The following HCRTR2 variants were observed in gnomAD, a reference collection of about 807,000 sequenced individuals.
HCRTR2 encodes hypocretin receptor 2.
HCRTR2 carries 22 observed loss-of-function variants against 49.0 expected under a neutral mutation model. That is an observed-to-expected ratio of 0.45 (90% CI 0.32 to 0.64). The LOEUF (loss-of-function observed/expected upper bound fraction) is 0.64, where lower values mean the gene tolerates loss of function less well. Ranked by LOEUF, HCRTR2 falls within the 30% of genes least tolerant of loss-of-function variation. The probability of loss-of-function intolerance (pLI) is 0.04; values close to 1 mark genes in which losing one functional copy is unlikely to be tolerated. For missense variants in HCRTR2, 491 were observed against 559.4 expected (o/e 0.88, Z 1.23); for synonymous variants, 236 against 205.3 (o/e 1.15, Z -1.28).
chr6:55,178,307 T>G (rs572136667), intron 1 of HCRTR2, among the ~76,000 whole-genome samples: 1 of 152,248 alleles, frequency 6.6e-6, no homozygotes, highest in Admixed American at 6.5e-5. Flanking sequence ...CTGTCATATC[T>G]GTTGTTGTCT....
intron 1 of HCRTR2, among the ~76,000 whole-genome samples, chr6:55,135,436 T>C (rs1764420304): frequency 6.6e-6 from 1 of 152,080 alleles, no homozygotes. Flanking sequence ...ACCTCTATAA[T>C]ATCACTACTC....
chr6:55,251,869 C>G (rs777564868), intron 2 of HCRTR2, among the ~76,000 whole-genome samples: 5 of 152,030 alleles, frequency 3.3e-5, no homozygotes, highest in Non-Finnish European at 7.4e-5. Context: ...CATTATCTCA[C>G]TCCACTTCAT....
intron 1 of HCRTR2, among the ~76,000 whole-genome samples, chr6:55,238,826 C>T (rs4075175): frequency 0.18 from 27,536 of 151,926 alleles, 2,850 homozygotes; most frequent in Non-Finnish European, 0.24. Context: ...GACAGATATG[C>T]GGTGAAAGAG....
rs1326164301 is a variant in HCRTR2, at chr6:55,182,573, A to G, written c.223+7763A>G. Among the ~76,000 whole-genome samples the G allele has an allele frequency of 7.2e-5, 11 of 152,292 alleles. 1 individual carries two copies. ...CCAGGTTGAGTCTTGAGGTGACTAC[A>G]ACAGCCACTACCCCAACCCACCCCC... On this transcript the variant is annotated intron_variant, in intron 1 of 6. Coordinates refer to ENST00000370862, the MANE Select transcript of HCRTR2 (RefSeq NM_001384272.1).
intron 1 of HCRTR2, among the ~76,000 whole-genome samples, chr6:55,111,983 T>A (rs568770151): frequency 1.3e-5 from 2 of 152,082 alleles, no homozygotes; most frequent in South Asian, 4.2e-4. Context: ...GCAGGAATGG[T>A]TTAACATATG....
At chr6:55,173,301 G>A (rs1764978269), upstream of HCRTR2, among the ~76,000 whole-genome samples, 2 of 152,170 alleles carry the variant, frequency 1.3e-5, no homozygotes, top group African/African-American at 4.8e-5. Flanking sequence ...GATGGAAGTA[G>A]TGAATTGTGG....
chr6:55,179,502 C>A (rs570135568), intron 1 of HCRTR2, among the ~76,000 whole-genome samples: 49 of 152,196 alleles, frequency 3.2e-4, no homozygotes, highest in African/African-American at 1.1e-3. Context: ...ATATCTTTGA[C>A]TTAAAATCCC....
chr6:55,271,707 CAA>C lies in HCRTR2; in HGVS notation c.763-5671_763-5670del, dbSNP rs368314773. Among the ~76,000 whole-genome samples, 797 of 152,034 alleles carry C rather than the reference CAA, an allele frequency of 5.2e-3. 5 individuals are homozygous for C. Among genetic ancestry groups the C allele is most frequent in the African/African-American group, 0.019 (770 of 41,502 alleles). On this transcript the variant is annotated intron_variant, in intron 4 of 6. Transcript: ENST00000370862. ...ATAATTTAAAAAAATTACAAGTAGG[CAA>C]AGACTTGAATAAACAATTCTGCAAA... is the stretch of plus-strand genomic sequence containing the variant.
intron 1 of HCRTR2, among the ~76,000 whole-genome samples, chr6:55,118,787 T>C (rs1350161799): frequency 6.6e-6 from 1 of 151,600 alleles, no homozygotes; most frequent in African/African-American, 2.4e-5. Flanking sequence ...ATTTATTTAT[T>C]TATTCTTTTT....
At chr6:55,109,491 T>A (rs1016640278) in intron 1 of HCRTR2, among the ~76,000 whole-genome samples, 1 of 151,504 alleles carries the variant, frequency 6.6e-6, no homozygotes, top group Non-Finnish European at 1.5e-5. Context: ...AGGATATGGA[T>A]GGAAAAATCT....
intron 1 of HCRTR2, among the ~76,000 whole-genome samples, chr6:55,184,572 G>A (rs999664026): frequency 2.0e-5 from 3 of 152,132 alleles, no homozygotes; most frequent in Non-Finnish European, 4.4e-5. Flanking sequence ...TAAATGACAT[G>A]TATTTTATTC....
At chr6:55,264,543 G>A (rs572442577) in intron 4 of HCRTR2, among the ~76,000 whole-genome samples, 11 of 152,080 alleles carry the variant, frequency 7.2e-5, no homozygotes, top group Admixed American at 3.3e-4. Flanking sequence ...GATGCAGGGC[G>A]AAAATTACTT....
Position 55,167,421 on chromosome 6 carries a change from A to C in HCRTR2, c.-377-6790A>C, listed in dbSNP as rs186389911. Among the ~76,000 whole-genome samples, 315 of 151,556 alleles carry C rather than the reference A, an allele frequency of 2.1e-3. 2 individuals are homozygous for C. The highest frequency in any genetic ancestry group is 3.0e-3 in the Non-Finnish European group (204 of 67,814). On this transcript the variant is annotated intron_variant, in intron 1 of 7. Coordinates refer to the HCRTR2 transcript ENST00000615358. ...AACACAATGGATCATTTTTTTTTTCATGTGGAAAATCAGAACACATGCCTT... is the reference window on the plus strand; with the variant it reads ...AACACAATGGATCATTTTTTTTTTCCTGTGGAAAATCAGAACACATGCCTT...
intron 1 of HCRTR2, among the ~76,000 whole-genome samples, chr6:55,192,405 G>GCA (rs1484631597): frequency 3.1e-4 from 34 of 108,260 alleles, no homozygotes; most frequent in African/African-American, 4.1e-4. Flanking sequence ...ACACACACGC[G>GCA]CGCGCGCGCA....
intron 1 of HCRTR2, among the ~76,000 whole-genome samples, chr6:55,152,081 T>C (rs1301926186): frequency 6.6e-6 from 1 of 151,860 alleles, no homozygotes; most frequent in African/African-American, 2.4e-5. Flanking sequence ...GCAGAGTAGG[T>C]TTAGCTTAAT....
At chr6:55,245,922 G>A (rs1766434086) in intron 1 of HCRTR2, among the ~76,000 whole-genome samples, 1 of 151,992 alleles carries the variant, frequency 6.6e-6, no homozygotes, top group South Asian at 2.1e-4. Context: ...GGTCATTGCA[G>A]ATGTAATTTG....
intron 1 of HCRTR2, among the ~76,000 whole-genome samples, chr6:55,227,735 CG>C (rs1172309650): frequency 1.3e-5 from 2 of 151,672 alleles, no homozygotes; most frequent in Non-Finnish European, 2.9e-5. Context: ...TTATACTTGG[CG>C]GGGGGAAAGG....
intron 1 of HCRTR2, among the ~76,000 whole-genome samples, chr6:55,135,256 A>G (rs1156388495): frequency 6.6e-6 from 1 of 152,132 alleles, no homozygotes. Flanking sequence ...CAAAACACTT[A>G]GACTTTTGTT....
At chr6:55,141,388 T>C (rs1764505460) in intron 1 of HCRTR2, among the ~76,000 whole-genome samples, 1 of 151,854 alleles carries the variant, frequency 6.6e-6, no homozygotes, top group Non-Finnish European at 1.5e-5. Context: ...GTGTTAGAAA[T>C]GGCTGTTTTT....
Sources: allele counts gnomAD v4.1 joint callset (sites outside exome capture counted in the v4.1 genomes callset), GRCh38; gene constraint gnomAD v4.1.1; transcripts MANE v1.5; gene names NCBI Gene and HGNC (gene_info 2026-07-23, HGNC 2026-07-21).